TMEM117: variants seen among roughly 807,000 people sequenced by gnomAD.
TMEM117 encodes transmembrane protein 117.
A neutral mutation model predicts 52.4 loss-of-function variants in TMEM117; 27 were observed. The observed-to-expected ratio is 0.51, with a 90% confidence interval of 0.38 to 0.71. The LOEUF (loss-of-function observed/expected upper bound fraction) is 0.71. Among genes scored for constraint, TMEM117 ranks in the 30% least tolerant of loss-of-function variants. The pLI, the probability that TMEM117 is intolerant of heterozygous loss-of-function variation, is 0.00. For synonymous variants in TMEM117, 215 were observed against 206.3 expected, an observed-to-expected ratio of 1.04 and a Z score of -0.36; for missense variants, 556 against 630.5, an observed-to-expected ratio of 0.88 and a Z score of 1.26.
At chr12:44,014,138 C>T (rs1946337846) in intron 3 of TMEM117, among the ~76,000 whole-genome samples, 1 of 152,144 alleles carries the variant, frequency 6.6e-6, no homozygotes, top group Admixed American at 6.5e-5. Context: ...CTGTCCCCCA[C>T]AGCACAAAAG....
chr12:43,971,805 G>A (rs958884264), intron 3 of TMEM117, among the ~76,000 whole-genome samples: 1 of 152,118 alleles, frequency 6.6e-6, no homozygotes, highest in Non-Finnish European at 1.5e-5. Context: ...AATATACAAT[G>A]CATTATTGTT....
At chr12:44,322,027 A>G (rs10506243) in intron 6 of TMEM117, among the ~76,000 whole-genome samples, 4,258 of 152,334 alleles carry the variant, frequency 0.028, 98 homozygotes, top group African/African-American at 0.055. Flanking sequence ...TCTAAACTGG[A>G]AAATTCTCTA....
intron 2 of TMEM117, among the ~76,000 whole-genome samples, chr12:43,850,745 A>G (rs539891645): frequency 6.6e-6 from 1 of 152,294 alleles, no homozygotes; most frequent in Non-Finnish European, 1.5e-5. Flanking sequence ...TAATGTTCTT[A>G]TTGGCTTGGT....
chr12:43,805,319 G>A, the TMEM117 span, among the ~76,000 whole-genome samples: 1 of 152,160 alleles, frequency 6.6e-6, no homozygotes, highest in African/African-American at 2.4e-5. Flanking sequence ...AAAGTTTTCA[G>A]ATTTGAGACT....
intron 6 of TMEM117, among the ~76,000 whole-genome samples, chr12:44,303,084 C>T (rs1950861486): frequency 6.6e-6 from 1 of 151,780 alleles, no homozygotes; most frequent in Non-Finnish European, 1.5e-5. Flanking sequence ...ACTCTTGTTG[C>T]CCAGGCTGGA....
Position 44,248,658 on chromosome 12 carries a change from C to A in TMEM117, c.608+37271C>A. On this transcript the variant is annotated intron_variant, in intron 5 of 7. Transcript: ENST00000266534. ...GAGAAGTCCTCCAATGCTGCCTGCCCACTGCCTCATCTCCAGAATCCTGGA... is the reference window on the plus strand; with the variant it reads ...GAGAAGTCCTCCAATGCTGCCTGCCAACTGCCTCATCTCCAGAATCCTGGA... The A allele has an allele frequency of 1.8e-5, 3 of 164,796 alleles. No homozygotes were observed. The South Asian group carries it at 5.1e-4, about 28-fold the overall frequency. 10.2% of individuals were successfully genotyped at this position (164,796 alleles called of 1,614,324 possible). A position where few individuals can be genotyped will look rare whatever the true frequency, so the allele number is the denominator to read the frequency against.
intron 2 of TMEM117, 104 bp from the exon 3 acceptor site, chr12:43,944,106 C>T (rs1419393003): frequency 9.5e-7 from 1 of 1,047,300 alleles, no homozygotes; most frequent in African/African-American, 1.6e-5. Flanking sequence ...ATGGCAAAGA[C>T]TTCAGAATAT....
At chr12:43,906,638 G>A (rs557939672) in intron 2 of TMEM117, among the ~76,000 whole-genome samples, 24 of 152,318 alleles carry the variant, frequency 1.6e-4, no homozygotes, top group African/African-American at 5.5e-4. Context: ...GTGGGTGCAC[G>A]CACCATGCAC....
intron 4 of TMEM117, among the ~76,000 whole-genome samples, chr12:44,182,868 A>G (rs948529673): frequency 6.6e-6 from 1 of 152,120 alleles, no homozygotes; most frequent in East Asian, 1.9e-4. Flanking sequence ...GTAGTTAAAC[A>G]AAAAACGCTT....
intron 3 of TMEM117, among the ~76,000 whole-genome samples, chr12:44,103,667 T>G (rs1023280990): frequency 1.3e-5 from 2 of 151,994 alleles, no homozygotes; most frequent in Non-Finnish European, 2.9e-5. Flanking sequence ...TCCTGAAACT[T>G]TGCATGCTGA....
At chr12:43,812,320 G>T in the TMEM117 span, among the ~76,000 whole-genome samples, 1 of 152,214 alleles carries the variant, frequency 6.6e-6, no homozygotes, top group Non-Finnish European at 1.5e-5. Flanking sequence ...TTTCATTTCA[G>T]TTGTGTTTGA....
intron 3 of TMEM117, among the ~76,000 whole-genome samples, chr12:44,022,622 G>A (rs1051146837): frequency 1.3e-5 from 2 of 152,202 alleles, no homozygotes; most frequent in Admixed American, 1.3e-4. Flanking sequence ...GAAGGATGAT[G>A]TTGAGGAGGG....
At chr12:43,841,073 A>C (rs1381852248) in intron 1 of TMEM117, among the ~76,000 whole-genome samples, 1 of 152,200 alleles carries the variant, frequency 6.6e-6, no homozygotes, top group African/African-American at 2.4e-5. Context: ...GGTTTAATTC[A>C]AATTATTATG....
At chr12:43,863,798 A>G (rs1675784) in intron 2 of TMEM117, among the ~76,000 whole-genome samples, 110,111 of 152,168 alleles carry the variant, frequency 0.72, 43,199 homozygotes, top group East Asian at 0.93. Context: ...CATTCTGGCC[A>G]CACTTGAGGA....
At chr12:44,386,456 A>G (rs1952089449) in intron 7 of TMEM117, among the ~76,000 whole-genome samples, 1 of 152,158 alleles carries the variant, frequency 6.6e-6, no homozygotes, top group Admixed American at 6.6e-5. Context: ...TTCAAATATT[A>G]TAAACTCTAT....
At chr12:43,996,152 A>G (rs1446499845) in intron 3 of TMEM117, among the ~76,000 whole-genome samples, 1 of 152,236 alleles carries the variant, frequency 6.6e-6, no homozygotes, top group Non-Finnish European at 1.5e-5. Flanking sequence ...CAAGTAAAAC[A>G]TTTAGAAAAA....
chr12:44,311,911 G>GTATATATA (rs1317170037), intron 6 of TMEM117, among the ~76,000 whole-genome samples: 2 of 140,576 alleles, frequency 1.4e-5, no homozygotes, highest in African/African-American at 5.4e-5. Context: ...ATATATATGT[G>GTATATATA]TGTATATATA....
At chr12:43,800,606 TTAA>T in the TMEM117 span, 2 of 1,137,010 alleles carry the variant, frequency 1.8e-6, no homozygotes, top group African/African-American at 3.1e-5. Flanking sequence ...TCTGAATATA[TTAA>T]TATCCTGAAT....
At chr12:44,208,876 C>T (rs1243149897) in intron 4 of TMEM117, among the ~76,000 whole-genome samples, 2 of 151,748 alleles carry the variant, frequency 1.3e-5, no homozygotes, top group African/African-American at 4.8e-5. Context: ...TAAGTATTTC[C>T]CAGAAAGTGC....
Sources: gnomAD v4.1 joint callset for allele counts (sites outside exome capture counted in the v4.1 genomes callset) on GRCh38, gnomAD v4.1.1 for gene constraint, MANE v1.5 for transcripts, NCBI Gene and HGNC (gene_info 2026-07-23, HGNC 2026-07-21) for gene names.